The following NEXMIF variants were observed in gnomAD, a reference collection of about 807,000 sequenced individuals.
NEXMIF encodes neurite extension and migration factor.
Under a neutral mutation model 62.1 loss-of-function variants are expected in NEXMIF, and 8 were observed. That is an observed-to-expected ratio of 0.13 (90% CI 0.08 to 0.23). The LOEUF is 0.23. NEXMIF is among the 10% of genes least tolerant of loss of function. NEXMIF has a pLI of 1.00. For synonymous variants in NEXMIF, 404 were observed against 416.6 expected (o/e 0.97, Z 0.37); for missense variants, 976 against 1,113.3 (o/e 0.88, Z 1.75).
intron 1 of NEXMIF, among the ~76,000 whole-genome samples, chrX:74,815,349 A>G (rs1037275201): frequency 1.8e-5 from 2 of 111,562 alleles, no homozygotes; most frequent in Non-Finnish European, 3.8e-5. Flanking sequence ...CCCTAAATCT[A>G]GTACAGCTAC....
At chrX:74,758,979 C>T (rs1273931338) in intron 1 of NEXMIF, among the ~76,000 whole-genome samples, 1 of 112,174 alleles carries the variant, frequency 8.9e-6, no homozygotes, top group Non-Finnish European at 1.9e-5. Flanking sequence ...GAATTGCCAC[C>T]TACTTTTCAC....
intron 1 of NEXMIF, among the ~76,000 whole-genome samples, chrX:74,756,767 C>T (rs1421892102): frequency 7.1e-5 from 8 of 112,197 alleles, no homozygotes; most frequent in Non-Finnish European, 1.1e-4. Flanking sequence ...TAGCACCCAA[C>T]TCAAGCCAAT....
intron 3 of NEXMIF, 118 bp from the exon 4 acceptor site, chrX:74,739,616 G>T (rs893036486): frequency 6.5e-5 from 29 of 446,981 alleles, no homozygotes; most frequent in Middle Eastern, 4.7e-4. Context: ...TGTAGAAAAA[G>T]ATACAAATAG....
At chrX:74,815,915 G>C (rs1206597984) in intron 1 of NEXMIF, among the ~76,000 whole-genome samples, 1 of 111,013 alleles carries the variant, frequency 9.0e-6, no homozygotes, top group Non-Finnish European at 1.9e-5. Context: ...ATTATAGGCA[G>C]GAACCACCGT....
intron 1 of NEXMIF, among the ~76,000 whole-genome samples, chrX:74,792,005 G>C (rs1266104289): frequency 1.4e-4 from 15 of 109,396 alleles, no homozygotes; most frequent in African/African-American, 5.0e-4. Flanking sequence ...GTTATTTCTT[G>C]CCTTCTGCTA....
chrX:74,919,837 C>T (rs376370596), intron 1 of NEXMIF, among the ~76,000 whole-genome samples: 13 of 110,557 alleles, frequency 1.2e-4, no homozygotes, highest in Admixed American at 5.8e-4. Context: ...CATGTGTTCT[C>T]ATTGTTCAAT....
intron 1 of NEXMIF, among the ~76,000 whole-genome samples, chrX:74,803,733 G>A (rs1468934899): frequency 9.8e-6 from 1 of 102,130 alleles, no homozygotes; most frequent in East Asian, 2.9e-4. Flanking sequence ...GGTCAGGAGA[G>A]AGTGGCATGA....
chrX:74,840,815 C>T (rs746716250), intron 1 of NEXMIF, among the ~76,000 whole-genome samples: 63 of 110,956 alleles, frequency 5.7e-4, no homozygotes, highest in African/African-American at 1.9e-3. Flanking sequence ...CACTTCTGGG[C>T]TTTCTATTCT....
intron 1 of NEXMIF, among the ~76,000 whole-genome samples, chrX:74,836,669 G>A (rs758803077): frequency 9.0e-6 from 1 of 111,702 alleles, no homozygotes; most frequent in Non-Finnish European, 1.9e-5. Flanking sequence ...GATGCAAGAC[G>A]AAGTCCTCTT....
rs1485846500 is a variant in NEXMIF, at chrX:74,733,673, C to A, written c.*5732G>T. 8.9e-6 allele frequency: 1 copy of A among 112,225 alleles called. No individual in the cohort carries two copies. Among genetic ancestry groups the A allele is most frequent in the Admixed American group, 9.6e-5 (1 of 10,442 alleles). 9.2% of individuals were successfully genotyped at this position (112,225 alleles called of 1,213,427 possible). A position where few individuals can be genotyped will look rare whatever the true frequency, so the allele number is the denominator to read the frequency against. On this transcript the variant is annotated 3_prime_UTR_variant, in exon 4 of 4. Coordinates refer to ENST00000055682, the MANE Select transcript of NEXMIF (RefSeq NM_001008537.3). The stretch of plus-strand genomic sequence containing the variant: ...TACATTCAGTCACAAATATTTGAAA[C>A]CTTCGCAACAAGAACAACAAAACCA...
chrX:74,783,199 G>A (rs777988108), intron 1 of NEXMIF, among the ~76,000 whole-genome samples: 36 of 111,155 alleles, frequency 3.2e-4, no homozygotes, highest in African/African-American at 5.2e-4. Flanking sequence ...GCTTGGCCTC[G>A]GAGCATGAAT....
At chrX:74,778,106 G>A (rs1283243434) in intron 1 of NEXMIF, among the ~76,000 whole-genome samples, 2 of 111,930 alleles carry the variant, frequency 1.8e-5, no homozygotes, top group African/African-American at 6.5e-5. Context: ...CATGAACTTT[G>A]TGTCCTGTAG....
At chrX:74,808,211 C>T (rs967377470) in intron 1 of NEXMIF, among the ~76,000 whole-genome samples, 1 of 110,640 alleles carries the variant, frequency 9.0e-6, no homozygotes, top group Non-Finnish European at 1.9e-5. Flanking sequence ...CGAGACCAGC[C>T]TGGCCAAAAT....
chrX:74,918,864 C>T (rs1940262851), intron 1 of NEXMIF, among the ~76,000 whole-genome samples: 2 of 111,859 alleles, frequency 1.8e-5, no homozygotes, highest in South Asian at 7.4e-4. Context: ...TGCCCTAGAT[C>T]GATGAAAGCC....
At chrX:74,837,025 C>T (rs1204294995) in intron 1 of NEXMIF, among the ~76,000 whole-genome samples, 1 of 111,581 alleles carries the variant, frequency 9.0e-6, no homozygotes, top group East Asian at 2.8e-4. Flanking sequence ...AATGCCCCCT[C>T]TGTGCACAGG....
chrX:74,763,819 G>GT (rs1316538882), intron 1 of NEXMIF, among the ~76,000 whole-genome samples: 1 of 111,862 alleles, frequency 8.9e-6, no homozygotes, highest in Non-Finnish European at 1.9e-5. Context: ...CATTGATTTT[G>GT]TATCCTGAGA....
intron 1 of NEXMIF, among the ~76,000 whole-genome samples, chrX:74,907,776 T>C (rs1703527675): frequency 9.0e-6 from 1 of 111,587 alleles, no homozygotes; most frequent in Non-Finnish European, 1.9e-5. Flanking sequence ...TCCCTTAACA[T>C]CAATCTGTCG....
At chrX:74,873,715 T>C (rs757447860) in intron 1 of NEXMIF, among the ~76,000 whole-genome samples, 1 of 112,386 alleles carries the variant, frequency 8.9e-6, no homozygotes, top group East Asian at 2.8e-4. Context: ...CTCATTGTGG[T>C]TTTGATTTGC....
At position 74,925,435 on chromosome X, in the gene NEXMIF, G is replaced by A; in HGVS notation, c.-600C>T. On this transcript the variant is annotated 5_prime_UTR_variant, in exon 1 of 4. Transcript: ENST00000055682. ...GGCGGCGGCGGCTGCTGCTGCTGCT[G>A]CTGATGCTACTGGTTTTCCTTCCCA... The A allele has an allele frequency of 5.2e-6, 1 of 191,362 alleles. No individual in the cohort carries two copies. Among genetic ancestry groups the A allele is most frequent in the Non-Finnish European group, 1.0e-5 (1 of 97,558 alleles). 15.8% of individuals were successfully genotyped at this position (191,362 alleles called of 1,213,427 possible). A position where few individuals can be genotyped will look rare whatever the true frequency, so the allele number is the denominator to read the frequency against.
Sources: allele counts gnomAD v4.1 joint callset (sites outside exome capture counted in the v4.1 genomes callset), GRCh38; gene constraint gnomAD v4.1.1; transcripts MANE v1.5; gene names NCBI Gene and HGNC (gene_info 2026-07-23, HGNC 2026-07-21).